SLC49A4: variants seen among roughly 807,000 people sequenced by gnomAD.
The protein encoded by SLC49A4 is solute carrier family 49 member 4, also known as disrupted in renal cancer protein 2.
In SLC49A4, 36 loss-of-function variants were observed where a neutral mutation model predicts 50.6. That is an observed-to-expected ratio of 0.71 (90% CI 0.55 to 0.94). The LOEUF is 0.94. Among genes scored for constraint, SLC49A4 ranks in the 40% least tolerant of loss-of-function variants. The pLI, the probability that SLC49A4 is intolerant of heterozygous loss-of-function variation, is 0.00. For synonymous variants in SLC49A4, 248 were observed against 241.2 expected (o/e 1.03, Z -0.26); for missense variants, 503 against 605.7 (o/e 0.83, Z 1.78).
In SLC49A4 at chr3:122,826,970, T is replaced by G; in HGVS notation, c.608T>G (p.Leu203Arg). 6.2e-7 allele frequency: 1 copy of G among 1,614,220 alleles called. No homozygotes were observed. Among genetic ancestry groups the G allele is most frequent in the Non-Finnish European group, 8.5e-7 (1 of 1,180,014 alleles). The change falls in exon 3 of 9, where the codon CTT becomes CGT. Residue 203 changes from leucine to arginine, a missense_variant. Leu to Arg is a moderately radical substitution (Grantham distance 102). Coordinates refer to ENST00000261038, the MANE Select transcript of SLC49A4 (RefSeq NM_032839.3). ...GCATGTGCATTTTTAGTTGGACCAC[T>G]TGTTGTTCCAGCTCCCAATGGGACA... The part of the protein sequence containing the change: ...GGACAFLVGP[L>R]VVPAPNGTSP...
At chr3:122,877,638 T>C (rs753536920) in intron 8 of SLC49A4, among the ~76,000 whole-genome samples, 3 of 152,246 alleles carry the variant, frequency 2.0e-5, no homozygotes, top group Non-Finnish European at 4.4e-5. Flanking sequence ...ACCATACTTT[T>C]TTTTATCTGT....
chr3:122,840,230 G>T (rs993751588), intron 4 of SLC49A4, among the ~76,000 whole-genome samples: 2 of 152,190 alleles, frequency 1.3e-5, no homozygotes, highest in Non-Finnish European at 2.9e-5. Flanking sequence ...TGGAGACTCA[G>T]AATGGAGAGG....
chr3:122,833,155 C>T (rs1936629730), intron 3 of SLC49A4, among the ~76,000 whole-genome samples, 162 bp from the exon 4 acceptor site: 1 of 152,260 alleles, frequency 6.6e-6, no homozygotes, highest in South Asian at 2.1e-4. Context: ...GCAGGAGGAT[C>T]ACTTGAGCCC....
chr3:122,861,377 C>T (rs1881963), intron 7 of SLC49A4, among the ~76,000 whole-genome samples: 15,953 of 152,136 alleles, frequency 0.1, 1,088 homozygotes, highest in East Asian at 0.34. Flanking sequence ...TTCCTTTCTT[C>T]CAGCAAAATA....
At chr3:122,820,938 G>A (rs1378458144) in intron 2 of SLC49A4, among the ~76,000 whole-genome samples, 1 of 152,210 alleles carries the variant, frequency 6.6e-6, no homozygotes, top group Non-Finnish European at 1.5e-5. Flanking sequence ...ATCTCATCTT[G>A]AACTGTAGTT....
At position 122,795,255 on chromosome 3, in the gene SLC49A4, T is replaced by G; in HGVS notation, c.63T>G (p.Pro21=). The change falls in exon 1 of 9, where the codon CCT becomes CCG. Residue 21 remains proline, a synonymous_variant. Transcript: ENST00000261038. ...RQPLLGPGLG[P]GLGASWRSRE... is the part of the protein sequence containing the mutation. Reference sequence around the variant, plus strand: ...CGCTGCTGGGGCCCGGGCTCGGGCCTGGGCTGGGGGCCTCCTGGAGAAGCC... The same window carrying G: ...CGCTGCTGGGGCCCGGGCTCGGGCCGGGGCTGGGGGCCTCCTGGAGAAGCC... 1 of 1,380,130 alleles carries G rather than the reference T, an allele frequency of 7.2e-7. No individual in the cohort carries two copies. The highest frequency in any genetic ancestry group is 1.7e-5 in the South Asian group (1 of 58,396). 85.5% of individuals were successfully genotyped at this position (1,380,130 alleles called of 1,614,324 possible).
chr3:122,838,702 A>G (rs185236838), intron 4 of SLC49A4, among the ~76,000 whole-genome samples: 2 of 152,024 alleles, frequency 1.3e-5, no homozygotes, highest in East Asian at 3.9e-4. Context: ...AACTTAAAGT[A>G]TAATAATAAT....
intron 2 of SLC49A4, 62 bp from the exon 3 acceptor site, chr3:122,826,738 C>T: frequency 6.4e-7 from 1 of 1,560,078 alleles, no homozygotes. Flanking sequence ...TGGCTCATTT[C>T]TTTTTGTCTT....
At chr3:122,874,824 C>A (rs776830124) in intron 8 of SLC49A4, among the ~76,000 whole-genome samples, 6 of 152,132 alleles carry the variant, frequency 3.9e-5, no homozygotes, top group Admixed American at 6.5e-5. Context: ...TGAGAAGATA[C>A]CTGTAAAAGA....
intron 1 of SLC49A4, among the ~76,000 whole-genome samples, chr3:122,795,810 A>G (rs893309888): frequency 6.6e-6 from 1 of 152,226 alleles, no homozygotes; most frequent in Non-Finnish European, 1.5e-5. Flanking sequence ...GTTTTTACAC[A>G]TTGTGAACAT....
chr3:122,798,940 G>C (rs1405498642), intron 1 of SLC49A4, among the ~76,000 whole-genome samples: 1 of 151,988 alleles, frequency 6.6e-6, no homozygotes, highest in East Asian at 1.9e-4. Context: ...GCTGCCTCAC[G>C]CCCCAGCCTG....
At chr3:122,806,077 A>G (rs547296189) in intron 1 of SLC49A4, among the ~76,000 whole-genome samples, 68 of 152,352 alleles carry the variant, frequency 4.5e-4, no homozygotes, top group Non-Finnish European at 7.1e-4. Flanking sequence ...TGAAATATGT[A>G]GTTCCCTAGT....
intron 8 of SLC49A4, among the ~76,000 whole-genome samples, chr3:122,878,698 C>T (rs1031953817): frequency 6.6e-6 from 1 of 152,142 alleles, no homozygotes; most frequent in Non-Finnish European, 1.5e-5. Flanking sequence ...AAAATATTCA[C>T]AGTGATCTCT....
intron 7 of SLC49A4, among the ~76,000 whole-genome samples, chr3:122,866,112 C>T: frequency 6.6e-6 from 1 of 152,048 alleles, no homozygotes; most frequent in Non-Finnish European, 1.5e-5. Context: ...GCTCACAGCA[C>T]CCTCAACCTC....
intron 1 of SLC49A4, among the ~76,000 whole-genome samples, chr3:122,799,983 A>G (rs78032837): frequency 1.3e-5 from 2 of 152,350 alleles, no homozygotes; most frequent in African/African-American, 4.8e-5. Flanking sequence ...TGCCTATTAG[A>G]TACCCAAGTA....
At chr3:122,841,417 A>G (rs1936767465) in intron 4 of SLC49A4, among the ~76,000 whole-genome samples, 1 of 152,190 alleles carries the variant, frequency 6.6e-6, no homozygotes, top group Non-Finnish European at 1.5e-5. Flanking sequence ...TTAGAACTGA[A>G]TCCATTCATT....
At chr3:122,870,809 A>G (rs2116321) in intron 7 of SLC49A4, among the ~76,000 whole-genome samples, 146,284 of 150,300 alleles carry the variant, frequency 0.97, 71,311 homozygotes, top group Non-Finnish European at 1. Context: ...GCAAGACTCC[A>G]TCTCAACAAT....
intron 8 of SLC49A4, among the ~76,000 whole-genome samples, chr3:122,872,847 G>A (rs1359841885): frequency 3.4e-5 from 5 of 147,650 alleles, no homozygotes; most frequent in Admixed American, 6.8e-5. Flanking sequence ...AATTAACCTG[G>A]GCTGGAGCCC....
intron 1 of SLC49A4, among the ~76,000 whole-genome samples, chr3:122,795,842 C>T (rs536570000): frequency 6.6e-6 from 1 of 152,308 alleles, no homozygotes; most frequent in African/African-American, 2.4e-5. Flanking sequence ...CGTGCACGTG[C>T]GGTGTATGTG....
Sources: gnomAD v4.1 joint callset for allele counts (sites outside exome capture counted in the v4.1 genomes callset) on GRCh38, gnomAD v4.1.1 for gene constraint, MANE v1.5 for transcripts, NCBI Gene and HGNC (gene_info 2026-07-23, HGNC 2026-07-21) for gene names.